Variants in EPB41L4A observed in about 807,000 individuals in gnomAD.
The protein encoded by EPB41L4A is erythrocyte membrane protein band 4.1 like 4A.
A neutral mutation model predicts 108.6 loss-of-function variants in EPB41L4A; 100 were observed. The ratio of observed to expected loss-of-function variants is 0.92; its 90% CI spans 0.78 to 1.09. The LOEUF is 1.09. Among genes scored for constraint, EPB41L4A ranks in the 50% least tolerant of loss-of-function variants. The pLI is 0.00. For missense variants in EPB41L4A, 1,030 were observed against 842.7 expected, an observed-to-expected ratio of 1.22 and a Z score of -2.75; for synonymous variants, 319 against 289.0, an observed-to-expected ratio of 1.10 and a Z score of -1.05.
At chr5:112,153,566 C>CATATAT (rs145070214) in intron 12 of EPB41L4A, among the ~76,000 whole-genome samples, 37 of 145,010 alleles carry the variant, frequency 2.6e-4, no homozygotes, top group African/African-American at 3.8e-4. Flanking sequence ...AAAAAATATA[C>CATATAT]ATATATATAT....
At chr5:112,302,744 T>C (rs1561553448) in intron 2 of EPB41L4A, among the ~76,000 whole-genome samples, 3 of 152,270 alleles carry the variant, frequency 2.0e-5, no homozygotes, top group South Asian at 4.1e-4. Context: ...GGGTTGAAGA[T>C]AGGAATCTGA....
intron 12 of EPB41L4A, among the ~76,000 whole-genome samples, chr5:112,149,102 T>G (rs1759370035): frequency 1.3e-5 from 2 of 152,206 alleles, no homozygotes; most frequent in South Asian, 4.1e-4. Context: ...GTTCTGGCTA[T>G]TCTCATCATC....
intron 2 of EPB41L4A, among the ~76,000 whole-genome samples, chr5:112,293,283 G>A (rs1332041765): frequency 6.6e-6 from 1 of 152,020 alleles, no homozygotes; most frequent in Non-Finnish European, 1.5e-5. Flanking sequence ...CTCGTGTCAT[G>A]AGGGTCTGCT....
intron 1 of EPB41L4A, among the ~76,000 whole-genome samples, chr5:112,315,855 GAAAATA>G (rs1755397068): frequency 6.6e-6 from 1 of 151,892 alleles, no homozygotes; most frequent in Non-Finnish European, 1.5e-5. Flanking sequence ...AGACAGTTAA[GAAAATA>G]AAAATAAAGG....
intron 3 of EPB41L4A, 21 bp downstream of exon 3, chr5:112,280,251 A>C: frequency 6.2e-7 from 1 of 1,610,244 alleles, no homozygotes; most frequent in Non-Finnish European, 8.5e-7. Context: ...CCCTTTAACA[A>C]AGTAAAAGCT....
intron 12 of EPB41L4A, among the ~76,000 whole-genome samples, chr5:112,233,052 A>T (rs959739313): frequency 6.6e-6 from 1 of 152,212 alleles, no homozygotes; most frequent in Non-Finnish European, 1.5e-5. Context: ...ATTAAAAAAA[A>T]ATCTGAATAA....
intron 1 of EPB41L4A, among the ~76,000 whole-genome samples, chr5:112,416,828 A>C (rs1057203914): frequency 6.6e-6 from 1 of 152,206 alleles, no homozygotes; most frequent in Non-Finnish European, 1.5e-5. Flanking sequence ...ATACCTCTAC[A>C]TGCAAGTTTT....
At position 112,164,438 on chromosome 5, in the gene EPB41L4A, C is replaced by A. The variant is rs945429850; in HGVS notation, c.*552G>T. The stretch of plus-strand genomic sequence containing the variant: ...GTCTTGGTTGTGGTGGACACAGACA[C>A]AAGATAGAAATGAATGATTGCTATC... On this transcript the variant is annotated 3_prime_UTR_variant, in exon 23 of 23. Transcript: ENST00000261486. 1.3e-5 allele frequency: 2 copies of A among 152,156 alleles called. No individual in the cohort carries two copies. The highest frequency in any genetic ancestry group is 2.9e-5 in the Non-Finnish European group (2 of 68,040). The allele number at this position is 152,156 out of a possible 1,614,324, so 9.4% of individuals were successfully genotyped here.
At chr5:112,238,296 C>G (rs1284737939) in intron 11 of EPB41L4A, among the ~76,000 whole-genome samples, 1 of 152,102 alleles carries the variant, frequency 6.6e-6, no homozygotes, top group East Asian at 1.9e-4. Context: ...AATTGTATCA[C>G]TGTCTACAGA....
At chr5:112,336,282 T>C (rs1756917158) in intron 1 of EPB41L4A, among the ~76,000 whole-genome samples, 1 of 152,144 alleles carries the variant, frequency 6.6e-6, no homozygotes, top group South Asian at 2.1e-4. Context: ...TGCATCGACT[T>C]GTTTGAGAAA....
At chr5:112,317,536 C>G (rs1283974431) in intron 1 of EPB41L4A, among the ~76,000 whole-genome samples, 1 of 152,174 alleles carries the variant, frequency 6.6e-6, no homozygotes, top group Non-Finnish European at 1.5e-5. Context: ...CCTAGAGACC[C>G]TTTCAATGGT....
intron 1 of EPB41L4A, among the ~76,000 whole-genome samples, chr5:112,383,987 C>T (rs1262805290): frequency 1.3e-5 from 2 of 152,112 alleles, no homozygotes; most frequent in Non-Finnish European, 2.9e-5. Flanking sequence ...GAAAATATTA[C>T]GCTAAGTAAA....
In EPB41L4A at chr5:112,164,898, T is replaced by G; in HGVS notation, c.*92A>C. ...CATGCTGAAGAAATACTTGCAGGTC[T>G]GAGATTTGAATTAAGATACCTATTT... On this transcript the variant is annotated 3_prime_UTR_variant, in exon 23 of 23. Transcript: ENST00000261486. 197 of 1,251,576 alleles carry G rather than the reference T, an allele frequency of 1.6e-4. No individual in the cohort carries two copies. The highest frequency in any genetic ancestry group is 1.8e-4 in the Non-Finnish European group (166 of 928,974). 77.5% of individuals were successfully genotyped at this position (1,251,576 alleles called of 1,614,324 possible). A position where few individuals can be genotyped will look rare whatever the true frequency, so the allele number is the denominator to read the frequency against.
chr5:112,208,175 T>A (rs1056364233), intron 13 of EPB41L4A, among the ~76,000 whole-genome samples: 1 of 135,966 alleles, frequency 7.4e-6, no homozygotes, highest in Non-Finnish European at 1.5e-5. Context: ...GAACCCAGGA[T>A]GCGGAGGTTG....
intron 4 of EPB41L4A, among the ~76,000 whole-genome samples, chr5:112,268,119 T>C (rs6594581): frequency 0.95 from 144,697 of 152,344 alleles, 68,991 homozygotes; most frequent in East Asian, 1. Context: ...TGGTGGCTCA[T>C]GCCTGTAATC....
chr5:112,269,198 A>G lies in EPB41L4A; in HGVS notation c.336-2868T>C, dbSNP rs76632499. ...CTGAGAAATTCATAAAGAAAAAAAA[A>G]TATCTACTCAAACTTCCCTGGATAG... On this transcript the variant is annotated intron_variant, in intron 4 of 22. Coordinates refer to ENST00000261486, the MANE Select transcript of EPB41L4A (RefSeq NM_022140.5). 5.9e-3 allele frequency among the ~76,000 whole-genome samples: 895 copies of G among 152,260 alleles called. 3 individuals are homozygous for G. The highest frequency in any genetic ancestry group is 0.01 in the Middle Eastern group (3 of 294).
intron 1 of EPB41L4A, among the ~76,000 whole-genome samples, chr5:112,368,369 C>T (rs1450715247): frequency 6.6e-6 from 1 of 152,118 alleles, no homozygotes; most frequent in Non-Finnish European, 1.5e-5. Context: ...GATACCTACC[C>T]CATCTGTTGT....
At chr5:112,290,082 A>T (rs1171528598) in intron 2 of EPB41L4A, among the ~76,000 whole-genome samples, 1 of 152,196 alleles carries the variant, frequency 6.6e-6, no homozygotes, top group African/African-American at 2.4e-5. Context: ...CCTCCATCAC[A>T]TCATTCAAGA....
At chr5:112,268,219 TA>T (rs1752002942) in intron 4 of EPB41L4A, among the ~76,000 whole-genome samples, 1 of 152,074 alleles carries the variant, frequency 6.6e-6, no homozygotes, top group South Asian at 2.1e-4. Flanking sequence ...CTTTCTCTAT[TA>T]AAAATACAAA....
Sources: gnomAD v4.1 joint callset for allele counts (sites outside exome capture counted in the v4.1 genomes callset) on GRCh38, gnomAD v4.1.1 for gene constraint, MANE v1.5 for transcripts, NCBI Gene and HGNC (gene_info 2026-07-23, HGNC 2026-07-21) for gene names.